The following BOD1 variants were observed in gnomAD, a reference collection of about 807,000 sequenced individuals.
The protein encoded by BOD1 is biorientation of chromosomes in cell division protein 1.
In BOD1, 11 loss-of-function variants were observed where a neutral mutation model predicts 15.7. The observed-to-expected ratio is 0.70, with a 90% CI of 0.44 to 1.16. The LOEUF (loss-of-function observed/expected upper bound fraction) is 1.16, where lower values mean the gene tolerates loss of function less well. Ranked by LOEUF, BOD1 falls within the 50% of genes most tolerant of loss-of-function variation. BOD1 has a pLI of 0.00. For missense variants in BOD1, 182 were observed against 244.5 expected, an observed-to-expected ratio of 0.74 and a Z score of 1.70; for synonymous variants, 105 against 103.5, an observed-to-expected ratio of 1.01 and a Z score of -0.09.
chr5:173,616,580 G>A lies in BOD1; in HGVS notation c.-144C>T. On this transcript the variant is annotated 5_prime_UTR_variant, in exon 1 of 4. Transcript: ENST00000311086. ...GGCGGAGGTGGCGATGGCGGCAGGG[G>A]CGGTGGTGGGGGCGGCGGCGGCGAA... The A allele has an allele frequency of 1.5e-6, 2 of 1,369,784 alleles. No individual in the cohort carries two copies. The highest frequency in any genetic ancestry group is 9.4e-7 in the Non-Finnish European group (1 of 1,069,014). 84.9% of individuals were successfully genotyped at this position (1,369,784 alleles called of 1,614,324 possible). A position where few individuals can be genotyped will look rare whatever the true frequency, so the allele number is the denominator to read the frequency against.
At chr5:173,614,839 C>G (rs1755449415) in intron 1 of BOD1, 1 of 152,292 alleles carries the variant, frequency 6.6e-6, no homozygotes, top group Admixed American at 6.5e-5. Context: ...GTGCCTGAAA[C>G]CTCAGGTAGT....
rs985245793 is a variant in BOD1 at position 173,607,247 on chromosome 5, T to C, written c.*1047A>G. On this transcript the variant is annotated 3_prime_UTR_variant, in exon 4 of 4. Coordinates refer to ENST00000311086, the MANE Select transcript of BOD1 (RefSeq NM_138369.3). ...CCCCAGAACTTCTTAATCAGAAATA[T>C]GCATTTTCCCTTAAATCCCCAGGTG... is the stretch of plus-strand genomic sequence containing the variant. Among the ~76,000 whole-genome samples the C allele has an allele frequency of 6.6e-6, 1 of 152,182 alleles. No individual in the cohort carries two copies. The highest frequency in any genetic ancestry group is 2.1e-4 in the South Asian group (1 of 4,828).
chr5:173,613,121 GCTTA>G lies in BOD1; in HGVS notation c.362+6_362+9del. The G allele has an allele frequency of 6.8e-7, 1 of 1,468,922 alleles. No individual in the cohort carries two copies. The highest frequency in any genetic ancestry group is 9.1e-7 in the Non-Finnish European group (1 of 1,099,282). 91.0% of individuals were successfully genotyped at this position (1,468,922 alleles called of 1,614,324 possible). On this transcript the variant is annotated splice_donor_region_variant and intron_variant, in intron 2 of 3. Coordinates refer to ENST00000311086, the MANE Select transcript of BOD1 (RefSeq NM_138369.3). ...TGCCTTTTCAAAAGCTTTAAATTCT[GCTTA>G]CTTACTGAACCACACTCTGCCTCAG...
Position 173,616,167 on chromosome 5 carries a change from C to G in BOD1, c.237+33G>C, listed in dbSNP as rs762267561. On this transcript the variant is annotated intron_variant, in intron 1 of 3. Transcript: ENST00000311086. ...GCCACCCGGCGGCCTCACGTGCAGC[C>G]CCGCTCCCCAACGCCCAGGCGGCCG... 4 of 1,560,620 alleles carry G rather than the reference C, an allele frequency of 2.6e-6. No homozygotes were observed. The East Asian group carries it at 9.6e-5, about 37-fold the overall frequency.
At position 173,607,591 on chromosome 5, in the gene BOD1, A is replaced by T. The variant is rs1755234183; in HGVS notation, c.*703T>A. ...ACCATTCACTTTTCTAAAAAAACAC[A>T]AATGTGAGAATAAAATAAACATACC... is the stretch of plus-strand genomic sequence containing the variant. On this transcript the variant is annotated 3_prime_UTR_variant, in exon 4 of 4. Transcript: ENST00000311086. 6.6e-6 allele frequency: 1 copy of T among 152,348 alleles called. No individual in the cohort carries two copies. The highest frequency in any genetic ancestry group is 1.5e-5 in the Non-Finnish European group (1 of 68,032). 9.4% of individuals were successfully genotyped at this position (152,348 alleles called of 1,614,324 possible). A position where few individuals can be genotyped will look rare whatever the true frequency, so the allele number is the denominator to read the frequency against.
chr5:173,609,503 T>C, intron 2 of BOD1, 69 bp from the exon 3 acceptor site: 2 of 1,443,210 alleles, frequency 1.4e-6, no homozygotes, highest in Non-Finnish European at 1.9e-6. Context: ...CCAATAAGTG[T>C]CACGTGCGAG....
In BOD1 at chr5:173,607,870, C is replaced by A. The variant is rs77604714; in HGVS notation, c.*424G>T. On this transcript the variant is annotated 3_prime_UTR_variant, in exon 4 of 4. Transcript: ENST00000311086. ...CAAATAAGCACTGTCAAAGACTACT[C>A]CCAGCTAATCTTTACTGTCATTTTT... is the stretch of plus-strand genomic sequence containing the variant. 7.9e-3 allele frequency: 1,471 copies of A among 185,260 alleles called. 19 individuals are homozygous for A. Among genetic ancestry groups the A allele is most frequent in the African/African-American group, 0.033 (1,408 of 42,886 alleles). The allele number at this position is 185,260 out of a possible 1,614,324, so 11.5% of individuals were successfully genotyped here. A position where few individuals can be genotyped will look rare whatever the true frequency, so the allele number is the denominator to read the frequency against.
chr5:173,615,089 C>G (rs1755456613), intron 1 of BOD1, among the ~76,000 whole-genome samples: 1 of 152,190 alleles, frequency 6.6e-6, no homozygotes, highest in Non-Finnish European at 1.5e-5. Context: ...AAAGCTCTGT[C>G]AATACAGATC....
At chr5:173,613,388 C>T (rs1755407923) in intron 1 of BOD1, 133 bp from the exon 2 acceptor site, 4 of 1,085,880 alleles carry the variant, frequency 3.7e-6, no homozygotes, top group Non-Finnish European at 4.0e-6. Context: ...TGAAGATCAC[C>T]ATGCAATGTG....
rs866576052 is a variant in BOD1 at position 173,616,252 on chromosome 5, C to G, written c.185G>C (p.Arg62Pro). The change falls in exon 1 of 4, where the codon CGG becomes CCG. Residue 62 changes from arginine to proline, a missense_variant. Transcript: ENST00000311086. ...IALIVEQLKS[R>P]GLFDSFRRDC... ...CCGGCGGAAGCTGTCAAAAAGGCCCCGGCTCTTGAGCTGCTCCACGATGAG... is the reference window on the plus strand; with the variant it reads ...CCGGCGGAAGCTGTCAAAAAGGCCCGGGCTCTTGAGCTGCTCCACGATGAG... The G allele has an allele frequency of 3.2e-6, 5 of 1,569,450 alleles. No individual in the cohort carries two copies. The highest frequency in any genetic ancestry group is 1.2e-5 in the South Asian group (1 of 85,632).
chr5:173,616,060 C>A, intron 1 of BOD1, 140 bp downstream of exon 1: 6 of 1,051,994 alleles, frequency 5.7e-6, no homozygotes, highest in Non-Finnish European at 8.1e-6. Context: ...GCTCTCCGTA[C>A]TGCCCCAAGC....
At chr5:173,609,488 T>C in intron 2 of BOD1, 54 bp from the exon 3 acceptor site, 1 of 1,432,740 alleles carries the variant, frequency 7.0e-7, no homozygotes, top group Non-Finnish European at 9.4e-7. Context: ...GATTCATCTT[T>C]AGCCCCAATA....
At chr5:173,614,346 T>G (rs1281898968) in intron 1 of BOD1, among the ~76,000 whole-genome samples, 1 of 152,172 alleles carries the variant, frequency 6.6e-6, no homozygotes, top group Non-Finnish European at 1.5e-5. Context: ...CAAAGGACAG[T>G]GAACATCACC....
intron 2 of BOD1, 63 bp from the exon 3 acceptor site, chr5:173,609,497 T>C: frequency 1.4e-6 from 2 of 1,456,218 alleles, no homozygotes; most frequent in Admixed American, 1.9e-5. Context: ...TTAGCCCCAA[T>C]AAGTGTCACG....
At chr5:173,609,767 G>A in intron 2 of BOD1, 1 of 251,018 alleles carries the variant, frequency 4.0e-6, no homozygotes, top group Non-Finnish European at 7.7e-6. Flanking sequence ...GTGTGGCACT[G>A]AAAAGCTTCC....
At chr5:173,610,402 TAAG>T (rs975389862) in intron 2 of BOD1, among the ~76,000 whole-genome samples, 17 of 152,112 alleles carry the variant, frequency 1.1e-4, no homozygotes. Context: ...ACAAAGAAGA[TAAG>T]AAACAGGCTG....
chr5:173,616,571 G>C lies in BOD1; in HGVS notation c.-135C>G, dbSNP rs896366957. 1.5e-6 allele frequency: 2 copies of C among 1,375,486 alleles called. No individual in the cohort carries two copies. The highest frequency in any genetic ancestry group is 1.5e-5 in the African/African-American group (1 of 64,924). The allele number at this position is 1,375,486 out of a possible 1,614,324, so 85.2% of individuals were successfully genotyped here. ...GGCGGCAGCGGCGGAGGTGGCGATGGCGGCAGGGGCGGTGGTGGGGGCGGC... is the reference window on the plus strand; with the variant it reads ...GGCGGCAGCGGCGGAGGTGGCGATGCCGGCAGGGGCGGTGGTGGGGGCGGC... On this transcript the variant is annotated 5_prime_UTR_variant, in exon 1 of 4. Coordinates refer to ENST00000311086, the MANE Select transcript of BOD1 (RefSeq NM_138369.3).
intron 2 of BOD1, among the ~76,000 whole-genome samples, chr5:173,611,589 G>A (rs1342058521): frequency 6.6e-6 from 1 of 152,034 alleles, no homozygotes; most frequent in Non-Finnish European, 1.5e-5. Flanking sequence ...GAGAGGAAAT[G>A]ATTAGTATAA....
At chr5:173,612,134 G>A (rs1012666756) in intron 2 of BOD1, among the ~76,000 whole-genome samples, 8 of 152,258 alleles carry the variant, frequency 5.3e-5, no homozygotes, top group Admixed American at 3.3e-4. Flanking sequence ...TCTGCTATCA[G>A]GCTTCTTCCC....
Sources: gnomAD v4.1 joint callset for allele counts (sites outside exome capture counted in the v4.1 genomes callset) on GRCh38, gnomAD v4.1.1 for gene constraint, MANE v1.5 for transcripts, NCBI Gene and HGNC (gene_info 2026-07-23, HGNC 2026-07-21) for gene names.